Variants in KIF26B observed in about 807,000 individuals in gnomAD.
The protein encoded by KIF26B is kinesin family member 26B.
In KIF26B, 63 loss-of-function variants were observed where a neutral mutation model predicts 151.2. That is an observed-to-expected ratio of 0.42 (90% CI 0.34 to 0.51). The LOEUF (loss-of-function observed/expected upper bound fraction) is 0.51, where lower values mean the gene tolerates loss of function less well. Ranked by LOEUF, KIF26B falls within the 20% of genes least tolerant of loss-of-function variation. KIF26B has a pLI of 0.07. For missense variants in KIF26B, 2,813 were observed against 2,913.6 expected (o/e 0.97, Z 0.79); for synonymous variants, 1,357 against 1,262.1 (o/e 1.08, Z -1.59).
Position 245,581,926 on chromosome 1 carries a change from G to GAGGAAAGGAAGGAAGGAAGGAAGGA in KIF26B, c.1351-20646_1351-20645insAGGAAGGAAGGAAGGAAGGAAGGAA, listed in dbSNP as rs59481342. On this transcript the variant is annotated intron_variant, in intron 5 of 14. Transcript: ENST00000407071. ...AGAGAGACCCTGTCAAAGAGAGAAA[G>GAGGAAAGGAAGGAAGGAAGGAAGGA]AGGAAGGAAGGAAGGAAGGAAGGAA... is the stretch of plus-strand genomic sequence containing the variant. Among the ~76,000 whole-genome samples, 407 of 142,384 alleles carry GAGGAAAGGAAGGAAGGAAGGAAGGA rather than the reference G, an allele frequency of 2.9e-3. 2 individuals carry two copies. Among genetic ancestry groups the GAGGAAAGGAAGGAAGGAAGGAAGGA allele is most frequent in the African/African-American group, 9.4e-3 (343 of 36,298 alleles). The allele number at this position is 142,384 out of a possible 152,430, so 93.4% of individuals were successfully genotyped here.
intron 2 of KIF26B, among the ~76,000 whole-genome samples, chr1:245,265,006 T>C (rs1670716916): frequency 6.6e-6 from 1 of 151,228 alleles, no homozygotes; most frequent in Non-Finnish European, 1.5e-5. Flanking sequence ...GAGACCATCC[T>C]GGCTAACACG....
chr1:245,533,480 G>A (rs903314470), intron 4 of KIF26B, among the ~76,000 whole-genome samples: 2 of 152,144 alleles, frequency 1.3e-5, no homozygotes, highest in African/African-American at 4.8e-5. Flanking sequence ...CCTCAGACAA[G>A]ATGAAATATT....
chr1:245,442,222 G>A (rs763207525), intron 4 of KIF26B, among the ~76,000 whole-genome samples: 1 of 152,172 alleles, frequency 6.6e-6, no homozygotes, highest in African/African-American at 2.4e-5. Flanking sequence ...ACGCCTGGTA[G>A]CCTTTTTTCT....
In KIF26B at chr1:245,387,935, C is replaced by T. The variant is rs567498574; in HGVS notation, c.999+20568C>T. On this transcript the variant is annotated intron_variant, in intron 3 of 14. Coordinates refer to ENST00000407071, the MANE Select transcript of KIF26B (RefSeq NM_018012.4). The stretch of plus-strand genomic sequence containing the variant: ...AAGAAACGTTCACAGTCCTGGGCTG[C>T]GTTTACTAACTTTGTTCTCATGCGT... Among the ~76,000 whole-genome samples, 5 of 152,274 alleles carry T rather than the reference C, an allele frequency of 3.3e-5. No homozygotes were observed. In the East Asian group the frequency reaches 5.8e-4, roughly 18 times the overall value.
chr1:245,652,005 T>A (rs1458858091), intron 10 of KIF26B, among the ~76,000 whole-genome samples: 1 of 151,944 alleles, frequency 6.6e-6, no homozygotes, highest in African/African-American at 2.4e-5. Context: ...AGACGTACCA[T>A]GAAATTAAGT....
At chr1:245,331,692 G>A (rs899388112) in intron 2 of KIF26B, among the ~76,000 whole-genome samples, 4 of 152,194 alleles carry the variant, frequency 2.6e-5, no homozygotes, top group Non-Finnish European at 4.4e-5. Flanking sequence ...TGGAGAGATA[G>A]CCCCTGTACA....
intron 2 of KIF26B, among the ~76,000 whole-genome samples, chr1:245,365,585 A>G (rs1209994472): frequency 1.3e-5 from 2 of 151,354 alleles, no homozygotes; most frequent in African/African-American, 2.4e-5. Flanking sequence ...GCAAGCTGAC[A>G]GTGAATTTCC....
chr1:245,425,960 A>C (rs1314783094), intron 4 of KIF26B, among the ~76,000 whole-genome samples: 1 of 152,130 alleles, frequency 6.6e-6, no homozygotes, highest in Non-Finnish European at 1.5e-5. Flanking sequence ...CTTTCTACCA[A>C]ATTCTAATCA....
chr1:245,411,255 G>A lies in KIF26B; in HGVS notation c.1000-8324G>A, dbSNP rs559694147. ...GCGGTTCTGGGTAGCTCTGGTGTGC[G>A]CGAAGAAAAGAGACAAGCAGGGTGA... On this transcript the variant is annotated intron_variant, in intron 3 of 14. Transcript: ENST00000407071. 1.6e-4 allele frequency among the ~76,000 whole-genome samples: 24 copies of A among 152,312 alleles called. No individual in the cohort carries two copies. The East Asian group carries it at 2.3e-3, about 15-fold the overall frequency.
chr1:245,346,678 C>T (rs1297588080), intron 2 of KIF26B, among the ~76,000 whole-genome samples: 1 of 152,184 alleles, frequency 6.6e-6, no homozygotes, highest in Non-Finnish European at 1.5e-5. Flanking sequence ...ATTTCCGTAA[C>T]TATACCCTAG....
chr1:245,594,428 C>T (rs1323421796), intron 5 of KIF26B, among the ~76,000 whole-genome samples: 1 of 152,204 alleles, frequency 6.6e-6, no homozygotes, highest in East Asian at 1.9e-4. Flanking sequence ...AATAGGGAAT[C>T]CTTTCCCCAT....
intron 2 of KIF26B, among the ~76,000 whole-genome samples, chr1:245,236,208 G>A (rs754582116): frequency 5.9e-5 from 9 of 152,158 alleles, no homozygotes; most frequent in Admixed American, 2.0e-4. Context: ...GATTACAGGC[G>A]TGAGTGAGCC....
chr1:245,702,429 G>A lies in KIF26B; in HGVS notation c.6179-29G>A, dbSNP rs375870110. 279 of 1,612,792 alleles carry A rather than the reference G, an allele frequency of 1.7e-4. No homozygotes were observed. Among genetic ancestry groups the A allele is most frequent in the Middle Eastern group, 1.7e-3 (10 of 6,048 alleles). Reference sequence around the variant, plus strand: ...TTGCTTCTCACCCTGTTTGCTCTGCGTCTCCATCAGGCTCTTCCTCTCTTG... The same window carrying A: ...TTGCTTCTCACCCTGTTTGCTCTGCATCTCCATCAGGCTCTTCCTCTCTTG... On this transcript the variant is annotated intron_variant, in intron 14 of 14. Transcript: ENST00000407071. The surrounding 1 kb of genome is among the most constrained non-coding windows in gnomAD (Gnocchi z 4.1).
At chr1:245,461,518 C>T (rs1038486478) in intron 4 of KIF26B, among the ~76,000 whole-genome samples, 1 of 152,158 alleles carries the variant, frequency 6.6e-6, no homozygotes, top group Non-Finnish European at 1.5e-5. Flanking sequence ...CAGTGCCCAT[C>T]TGACAGCAGG....
In KIF26B at chr1:245,470,268, G is replaced by A. The variant is rs535942862; in HGVS notation, c.1166+50523G>A. 3.9e-5 allele frequency among the ~76,000 whole-genome samples: 6 copies of A among 152,202 alleles called. No homozygotes were observed. The South Asian group carries it at 6.2e-4, about 16-fold the overall frequency. Reference sequence around the variant, plus strand: ...CTCGTGTGTTAGGCAGAAGGGAGGCGAACTAGGCTGTCACAATCATCTAGA... The same window carrying A: ...CTCGTGTGTTAGGCAGAAGGGAGGCAAACTAGGCTGTCACAATCATCTAGA... On this transcript the variant is annotated intron_variant, in intron 4 of 14. Transcript: ENST00000407071.
intron 10 of KIF26B, among the ~76,000 whole-genome samples, chr1:245,650,623 C>A (rs1270220862): frequency 1.3e-5 from 2 of 152,272 alleles, no homozygotes; most frequent in African/African-American, 4.8e-5. Context: ...CCTTCAAGCC[C>A]TGAAGCATTT....
chr1:245,640,148 T>TATATATATATATATATATATAC (rs1274131414), intron 9 of KIF26B, among the ~76,000 whole-genome samples: 28 of 85,354 alleles, frequency 3.3e-4, no homozygotes, highest in Admixed American at 6.0e-4. Context: ...TCTCTCTATA[T>TATATATATATATATATATATAC]ATATATATAT....
intron 2 of KIF26B, among the ~76,000 whole-genome samples, chr1:245,309,501 C>T (rs1013408847): frequency 3.9e-5 from 6 of 151,938 alleles, no homozygotes; most frequent in Admixed American, 1.3e-4. Flanking sequence ...ATGACGCCAT[C>T]GGGTCTCCTG....
intron 5 of KIF26B, among the ~76,000 whole-genome samples, chr1:245,562,011 C>A (rs376261028): frequency 1.3e-5 from 2 of 152,088 alleles, no homozygotes; most frequent in African/African-American, 2.4e-5. Context: ...AGGGCCGTTG[C>A]GGATTGCAGC....
Sources: allele counts gnomAD v4.1 joint callset (sites outside exome capture counted in the v4.1 genomes callset), GRCh38; gene constraint gnomAD v4.1.1; non-coding constraint Gnocchi (gnomAD v3.1); transcripts MANE v1.5; gene names NCBI Gene and HGNC (gene_info 2026-07-23, HGNC 2026-07-21).